EEFSEC: variants seen among roughly 807,000 people sequenced by gnomAD.
EEFSEC encodes eukaryotic elongation factor, selenocysteine-tRNA specific.
In EEFSEC, 43 loss-of-function variants were observed where a neutral mutation model predicts 42.1. The ratio of observed to expected loss-of-function variants is 1.02; its 90% confidence interval spans 0.80 to 1.32. The LOEUF (loss-of-function observed/expected upper bound fraction) is 1.32, where lower values mean the gene tolerates loss of function less well. Among genes scored for constraint, EEFSEC ranks in the 40% most tolerant of loss-of-function variants. The probability of loss-of-function intolerance (pLI) is 0.00; values close to 1 mark genes in which losing one functional copy is unlikely to be tolerated. For synonymous variants in EEFSEC, 354 were observed against 339.1 expected (o/e 1.04, Z -0.48); for missense variants, 745 against 803.6 (o/e 0.93, Z 0.88).
At chr3:128,271,480 G>A (rs2066412811) in intron 4 of EEFSEC, among the ~76,000 whole-genome samples, 1 of 152,190 alleles carries the variant, frequency 6.6e-6, no homozygotes, top group African/African-American at 2.4e-5. Flanking sequence ...TCTGGCTTTT[G>A]GCAGTGGAAG....
At chr3:128,397,485 G>A (rs2067994997) in intron 6 of EEFSEC, among the ~76,000 whole-genome samples, 1 of 152,256 alleles carries the variant, frequency 6.6e-6, no homozygotes, top group African/African-American at 2.4e-5. Flanking sequence ...CTGCTAGAAA[G>A]GCAGTCACTA....
chr3:128,388,200 A>G (rs1374570936), intron 6 of EEFSEC, among the ~76,000 whole-genome samples: 1 of 151,822 alleles, frequency 6.6e-6, no homozygotes, highest in African/African-American at 2.4e-5. Flanking sequence ...TTAATATCCA[A>G]TTTGGTCGCC....
At chr3:128,413,883 G>A in the EEFSEC span, among the ~76,000 whole-genome samples, 4 of 152,328 alleles carry the variant, frequency 2.6e-5, no homozygotes, top group South Asian at 2.1e-4. Context: ...AGGAGACCCC[G>A]TTGGCAGGGC....
chr3:128,212,354 G>A (rs972982345), intron 1 of EEFSEC, among the ~76,000 whole-genome samples: 2 of 152,176 alleles, frequency 1.3e-5, no homozygotes, highest in East Asian at 1.9e-4. Flanking sequence ...AACTTCATGT[G>A]TTGCTCCTTA....
In EEFSEC at chr3:128,358,222, G is replaced by A; in HGVS notation, c.1449G>A (p.Met483Ile). ...GGCTGGGTGTGTGGGGACAGGCGAT[G>A]GATGACTACAGTGTGATCGGCCGCT... is the stretch of plus-strand genomic sequence containing the variant. ...KHKHGLVERA[M>I]DDYSVIGRSL... The change falls in exon 6 of 7, where the codon ATG becomes ATA. Residue 483 changes from methionine to isoleucine, a missense_variant. By Grantham distance (10) the Met-to-Ile change is conservative (BLOSUM62 1). Coordinates refer to ENST00000254730, the MANE Select transcript of EEFSEC (RefSeq NM_021937.5). 1 of 1,614,004 alleles carries A rather than the reference G, an allele frequency of 6.2e-7. No homozygotes were observed. Among genetic ancestry groups the A allele is most frequent in the Non-Finnish European group, 8.5e-7 (1 of 1,179,924 alleles).
At chr3:128,241,389 G>A (rs2066069935) in intron 1 of EEFSEC, among the ~76,000 whole-genome samples, 1 of 151,620 alleles carries the variant, frequency 6.6e-6, no homozygotes. Flanking sequence ...TTTGTATTTT[G>A]TATAGAGACA....
chr3:128,273,619 G>A (rs2066437254), intron 4 of EEFSEC, among the ~76,000 whole-genome samples: 1 of 152,240 alleles, frequency 6.6e-6, no homozygotes, highest in African/African-American at 2.4e-5. Context: ...GTCCTGACCT[G>A]CAGTCAGCTG....
chr3:128,364,593 C>T (rs150075117), intron 6 of EEFSEC, among the ~76,000 whole-genome samples: 3 of 152,326 alleles, frequency 2.0e-5, no homozygotes, highest in African/African-American at 7.2e-5. Flanking sequence ...GCTCCAGTTC[C>T]TTCGCCTACA....
intron 5 of EEFSEC, among the ~76,000 whole-genome samples, chr3:128,356,216 T>C (rs2067452480): frequency 6.6e-6 from 1 of 152,278 alleles, no homozygotes; most frequent in Admixed American, 6.5e-5. Context: ...TACCTGCGTA[T>C]ATTATCCCTT....
At chr3:128,196,410 TTATA>T (rs1428458292) in intron 1 of EEFSEC, among the ~76,000 whole-genome samples, 1 of 152,220 alleles carries the variant, frequency 6.6e-6, no homozygotes, top group Non-Finnish European at 1.5e-5. Context: ...CAGTGGCCCT[TTATA>T]TATATTTAAA....
chr3:128,220,435 G>C (rs949639822), intron 1 of EEFSEC, among the ~76,000 whole-genome samples: 36 of 152,180 alleles, frequency 2.4e-4, no homozygotes, highest in African/African-American at 8.4e-4. Flanking sequence ...TGTCTTTACT[G>C]TCAAATGATG....
At chr3:128,159,999 C>T (rs1316460100) in intron 1 of EEFSEC, among the ~76,000 whole-genome samples, 1 of 152,228 alleles carries the variant, frequency 6.6e-6, no homozygotes, top group African/African-American at 2.4e-5. Flanking sequence ...GTGTTCTCAG[C>T]ACTTGGGCCA....
intron 4 of EEFSEC, among the ~76,000 whole-genome samples, chr3:128,278,053 T>G (rs1434517257): frequency 6.6e-6 from 1 of 152,212 alleles, no homozygotes; most frequent in Non-Finnish European, 1.5e-5. Context: ...CACCAGACCA[T>G]GCAAGGCCAG....
intron 6 of EEFSEC, among the ~76,000 whole-genome samples, chr3:128,376,052 C>A (rs73861054): frequency 6.6e-6 from 1 of 152,168 alleles, no homozygotes; most frequent in Admixed American, 6.5e-5. Context: ...GCTGTCCCAG[C>A]CAGGCTTCTC....
chr3:128,346,281 A>G (rs933407579), intron 5 of EEFSEC, among the ~76,000 whole-genome samples: 2 of 152,256 alleles, frequency 1.3e-5, no homozygotes, highest in African/African-American at 2.4e-5. Context: ...TGCTTCGATC[A>G]AACACAATTT....
intron 6 of EEFSEC, among the ~76,000 whole-genome samples, chr3:128,379,296 C>T (rs917677905): frequency 6.6e-6 from 1 of 152,200 alleles, no homozygotes; most frequent in African/African-American, 2.4e-5. Flanking sequence ...AGCCTCCTCC[C>T]GCTTTGGCCA....
At chr3:128,308,137 C>T (rs558231243) in intron 4 of EEFSEC, among the ~76,000 whole-genome samples, 1 of 152,378 alleles carries the variant, frequency 6.6e-6, no homozygotes, top group East Asian at 1.9e-4. Context: ...CAGCAGTGAC[C>T]TCAGTCTCTG....
intron 4 of EEFSEC, among the ~76,000 whole-genome samples, chr3:128,330,753 T>C (rs1449732748): frequency 6.6e-6 from 1 of 150,968 alleles, no homozygotes; most frequent in Admixed American, 6.6e-5. Context: ...TCTTCCCCGC[T>C]TCCTCAGTGC....
chr3:128,406,062 A>G (rs1471858917), intron 6 of EEFSEC, among the ~76,000 whole-genome samples: 1 of 151,990 alleles, frequency 6.6e-6, no homozygotes, highest in Non-Finnish European at 1.5e-5. Flanking sequence ...AGGACCCCCC[A>G]GTGGGGCTGT....
Sources: allele counts gnomAD v4.1 joint callset (sites outside exome capture counted in the v4.1 genomes callset), GRCh38; gene constraint gnomAD v4.1.1; transcripts MANE v1.5; gene names NCBI Gene and HGNC (gene_info 2026-07-23, HGNC 2026-07-21).